Variants in CUL9 observed in about 807,000 individuals in gnomAD.
CUL9 encodes the protein cullin-9.
A neutral mutation model predicts 272.6 loss-of-function variants in CUL9; 79 were observed. That is an observed-to-expected ratio of 0.29 (90% CI 0.24 to 0.35). The LOEUF (loss-of-function observed/expected upper bound fraction) is 0.35, where lower values mean the gene tolerates loss of function less well. Among genes scored for constraint, CUL9 ranks in the 10% least tolerant of loss-of-function variants. CUL9 has a pLI of 1.00. For missense variants in CUL9, 2,532 were observed against 3,255.6 expected, an observed-to-expected ratio of 0.78 and a Z score of 5.41; for synonymous variants, 1,186 against 1,286.5, an observed-to-expected ratio of 0.92 and a Z score of 1.67.
Position 43,204,357 on chromosome 6 carries a change from C to G in CUL9, c.4160-3C>G. On this transcript the variant is annotated splice_region_variant and splice_polypyrimidine_tract_variant and intron_variant, in intron 20 of 40. Coordinates refer to ENST00000252050, the MANE Select transcript of CUL9 (RefSeq NM_015089.4). ...GACCTGTTCCTGACCTGTCTTCTTTCAGATGCGGAAGGCGTGAGTGCCCTG... is the reference window on the plus strand; with the variant it reads ...GACCTGTTCCTGACCTGTCTTCTTTGAGATGCGGAAGGCGTGAGTGCCCTG... 6.2e-7 allele frequency: 1 copy of G among 1,613,666 alleles called. No homozygotes were observed. Among genetic ancestry groups the G allele is most frequent in the Non-Finnish European group, 8.5e-7 (1 of 1,179,608 alleles).
rs747856369 is a variant in CUL9 at position 43,216,252 on chromosome 6, C to G, written c.6031C>G (p.Arg2011Gly). The stretch of plus-strand genomic sequence containing the variant: ...AGAAGGGTTGATGAAGCAGACGGTG[C>G]GTCAGGTGCAGGAGACGCTGAACTT... Reference protein sequence around the residue: ...EVEGLMKQTVRQVQETLNLEP... With the variant: ...EVEGLMKQTVGQVQETLNLEP... Residue 2011 changes from arginine to glycine, a missense_variant, in exon 31 of 41, where the codon CGT becomes GGT. Arg to Gly is a moderately radical substitution (Grantham distance 125, BLOSUM62 -2). Coordinates refer to ENST00000252050, the MANE Select transcript of CUL9 (RefSeq NM_015089.4). 6.2e-7 allele frequency: 1 copy of G among 1,613,722 alleles called. No individual in the cohort carries two copies.
rs756258868 is a variant in CUL9, at chr6:43,188,556, G to T, written c.2021G>T (p.Arg674Leu). Residue 674 changes from arginine to leucine, a missense_variant, in exon 8 of 41, where the codon CGC becomes CTC. Transcript: ENST00000252050. ...AGAGCCTTGCGGGGTCCCGGTCCTC[G>T]CAGCTCCCTGGATCAGCATGTGGCA... ...MARALRGPGP[R>L]SSLDQHVAAV... The T allele has an allele frequency of 1.9e-6, 3 of 1,613,114 alleles. No homozygotes were observed. Among genetic ancestry groups the T allele is most frequent in the Admixed American group, 3.3e-5 (2 of 59,804 alleles).
chr6:43,224,353 G>A lies in CUL9; in HGVS notation c.7462G>A (p.Asp2488Asn), dbSNP rs1226640833. Reference sequence around the variant, plus strand: ...TGAGTTTGATGAGGAGCTGGACAATGACAGCTTCTCCTACGATGAGTCTGA... The same window carrying A: ...TGAGTTTGATGAGGAGCTGGACAATAACAGCTTCTCCTACGATGAGTCTGA... ...QDEFDEELDNDSFSYDESENL... is the reference protein window; with the variant it reads ...QDEFDEELDNNSFSYDESENL... Residue 2488 changes from aspartate to asparagine, a missense_variant, in exon 41 of 41, where the codon GAC becomes AAC. Around this residue, in one of 3 missense-constraint regions of CUL9, gnomAD observed 237 missense variants for 305.9 expected, o/e 0.77. Transcript: ENST00000252050. This position sits in a 1 kb window ranked among gnomAD's most constrained non-coding sequence, Gnocchi z 4.2. 1 of 1,614,204 alleles carries A rather than the reference G, an allele frequency of 6.2e-7. No individual in the cohort carries two copies. Among genetic ancestry groups the A allele is most frequent in the South Asian group, 1.1e-5 (1 of 91,074 alleles).
intron 16 of CUL9, among the ~76,000 whole-genome samples, chr6:43,201,640 T>C (rs964920873): frequency 1.2e-4 from 19 of 152,196 alleles, no homozygotes; most frequent in Admixed American, 4.6e-4. Flanking sequence ...CCACCACGCC[T>C]GGCTAATTTT....
rs770054021 is a variant in CUL9, at chr6:43,196,040, C to T, written c.2389-29C>T. ...TTCCTCATGGTGACTCTGCCCCCTC[C>T]TCACTCTGCTTTCACATCCCCCTCA... On this transcript the variant is annotated intron_variant, in intron 9 of 40. Transcript: ENST00000252050. The T allele has an allele frequency of 1.1e-5, 18 of 1,591,946 alleles. No individual in the cohort carries two copies. In the South Asian group the frequency reaches 1.9e-4, roughly 17 times the overall value.
In CUL9 at chr6:43,199,277, G is replaced by A. The variant is rs1310764813; in HGVS notation, c.3062G>A (p.Arg1021Gln). 9 of 1,612,918 alleles carry A rather than the reference G, an allele frequency of 5.6e-6. No homozygotes were observed. The highest frequency in any genetic ancestry group is 4.5e-5 in the East Asian group (2 of 44,824). ...TACCCCCTCACCAGGGTCATAACCC[G>A]ACTGCTGGATTTCCCTGAGGCAATG... ...LLLSVLRVIT[R>Q]LLDFPEAMVL... The change falls in exon 13 of 41, where the codon CGA becomes CAA. Residue 1021 changes from arginine (R) to glutamine (Q), a missense_variant. Around this residue, in one of 3 missense-constraint regions of CUL9, gnomAD observed 2,218 missense variants for 2,788.6 expected, o/e 0.80. Coordinates refer to ENST00000252050, the MANE Select transcript of CUL9 (RefSeq NM_015089.4). This position sits in a 1 kb window ranked among gnomAD's most constrained non-coding sequence, Gnocchi z 4.4.
chr6:43,184,780 C>A lies in CUL9; in HGVS notation c.470C>A (p.Pro157His). 4 of 1,614,138 alleles carry A rather than the reference C, an allele frequency of 2.5e-6. No homozygotes were observed. Among genetic ancestry groups the A allele is most frequent in the Non-Finnish European group, 3.4e-6 (4 of 1,180,048 alleles). ...HVLSAYASIG[P>H]LTGVFRETGA... ...CTCAGTGCCTACGCCAGCATCGGGCCCCTCACTGGTGTCTTCAGGGAGACA... is the reference window on the plus strand; with the variant it reads ...CTCAGTGCCTACGCCAGCATCGGGCACCTCACTGGTGTCTTCAGGGAGACA... The change falls in exon 2 of 41, where the codon CCC becomes CAC. Residue 157 changes from proline to histidine, a missense_variant. By Grantham distance (77) the Pro-to-His change is moderately conservative. Around this residue, in one of 3 missense-constraint regions of CUL9, gnomAD observed 2,218 missense variants for 2,788.6 expected, o/e 0.80. Transcript: ENST00000252050. This position sits in a 1 kb window ranked among gnomAD's most constrained non-coding sequence, Gnocchi z 4.8.
intron 8 of CUL9, chr6:43,188,919 A>C: frequency 4.1e-6 from 2 of 485,782 alleles, no homozygotes; most frequent in Non-Finnish European, 7.3e-6. Context: ...CTGTGCTAGT[A>C]TTTTACATGC....
At position 43,213,668 on chromosome 6, in the gene CUL9, C is replaced by G. The variant is rs1354825264; in HGVS notation, c.5489-45C>G. On this transcript the variant is annotated intron_variant, in intron 28 of 40. Coordinates refer to ENST00000252050, the MANE Select transcript of CUL9 (RefSeq NM_015089.4). The surrounding 1 kb of genome is among the most constrained non-coding windows in gnomAD (Gnocchi z 5.7). ...TGGGGTCATCTTAGTCCCCATTCAT[C>G]TGTCCCTCTGCCTCCTCTGGTACCT... The G allele has an allele frequency of 1.9e-6, 3 of 1,607,704 alleles. No homozygotes were observed. The South Asian group carries it at 3.3e-5, about 18-fold the overall frequency.
rs746215834 is a variant in CUL9 at position 43,196,090 on chromosome 6, G to A, written c.2410G>A (p.Ala804Thr). 1.9e-6 allele frequency: 3 copies of A among 1,613,114 alleles called. No individual in the cohort carries two copies. Among genetic ancestry groups the A allele is most frequent in the Non-Finnish European group, 1.7e-6 (2 of 1,179,306 alleles). Residue 804 changes from alanine to threonine, a missense_variant, in exon 10 of 41, where the codon GCC becomes ACC. Coordinates refer to ENST00000252050, the MANE Select transcript of CUL9 (RefSeq NM_015089.4). The stretch of plus-strand genomic sequence containing the variant: ...ACAGGCACTGAAGATGCTGGCCGTC[G>A]CCAGCTCCTCGGAGATCCCCACTTT... ...GLAALKMLAV[A>T]SSSEIPTFVT...
Position 43,224,548 on chromosome 6 carries a change from G to A in CUL9, c.*103G>A. 9.1e-7 allele frequency: 1 copy of A among 1,101,692 alleles called. No individual in the cohort carries two copies. Among genetic ancestry groups the A allele is most frequent in the Admixed American group, 2.7e-5 (1 of 36,612 alleles). The allele number at this position is 1,101,692 out of a possible 1,614,324, so 68.2% of individuals were successfully genotyped here. On this transcript the variant is annotated 3_prime_UTR_variant, in exon 41 of 41. Coordinates refer to ENST00000252050, the MANE Select transcript of CUL9 (RefSeq NM_015089.4). The surrounding 1 kb of genome is among the most constrained non-coding windows in gnomAD (Gnocchi z 4.2). Reference sequence around the variant, plus strand: ...GAGGGGGATTCCCAGCGTCTGTAGTGCTTCCTGTTTGCTGAATAAAGGTCT... The same window carrying A: ...GAGGGGGATTCCCAGCGTCTGTAGTACTTCCTGTTTGCTGAATAAAGGTCT...
chr6:43,196,569 CCTT>C lies in CUL9; in HGVS notation c.2586-73_2586-71del, dbSNP rs779744957. On this transcript the variant is annotated intron_variant, in intron 10 of 40. Transcript: ENST00000252050. ...AGCCCTTTGCTCCCTAGCTGCCCGG[CCTT>C]CTATGCTTGCTTTGCTGCTTCCATT... 31 of 1,317,554 alleles carry C rather than the reference CCTT, an allele frequency of 2.4e-5. 1 individual carries two copies. In the Middle Eastern group the frequency reaches 1.1e-3, roughly 46 times the overall value. The allele number at this position is 1,317,554 out of a possible 1,614,324, so 81.6% of individuals were successfully genotyped here.
rs1237724470 is a variant in CUL9, at chr6:43,223,826, G to A, written c.7285-269G>A. ...AAACTGTGAGTCCTGTCCTCAGGTT[G>A]CTTACTGACTGGTAAGTCACATGGG... On this transcript the variant is annotated intron_variant, in intron 39 of 40. Transcript: ENST00000252050. The surrounding 1 kb of genome is among the most constrained non-coding windows in gnomAD (Gnocchi z 4.1). 1 of 544,856 alleles carries A rather than the reference G, an allele frequency of 1.8e-6. No individual in the cohort carries two copies. Among genetic ancestry groups the A allele is most frequent in the Non-Finnish European group, 3.3e-6 (1 of 302,308 alleles). The allele number at this position is 544,856 out of a possible 1,614,324, so 33.8% of individuals were successfully genotyped here.
chr6:43,184,433 A>G lies in CUL9; in HGVS notation c.123A>G (p.Arg41=). 1 of 1,613,870 alleles carries G rather than the reference A, an allele frequency of 6.2e-7. No individual in the cohort carries two copies. The highest frequency in any genetic ancestry group is 8.5e-7 in the Non-Finnish European group (1 of 1,179,910). ...ACGGGCATCCTGAATACCTGATCCG[A>G]TGGAGTGTCCTGAAGTGTGGGGAAG... ...GHDGHPEYLI[R]WSVLKCGEVG... The change falls in exon 2 of 41, where the codon CGA becomes CGG. Residue 41 remains arginine (R), a synonymous_variant. Transcript: ENST00000252050. The surrounding 1 kb of genome is among the most constrained non-coding windows in gnomAD (Gnocchi z 4.8).
In CUL9 at chr6:43,220,634, G is replaced by C; in HGVS notation, c.6423+35G>C. 2 of 1,611,780 alleles carry C rather than the reference G, an allele frequency of 1.2e-6. No homozygotes were observed. The highest frequency in any genetic ancestry group is 1.7e-5 in the Admixed American group (1 of 59,876). On this transcript the variant is annotated intron_variant, in intron 32 of 40. Coordinates refer to ENST00000252050, the MANE Select transcript of CUL9 (RefSeq NM_015089.4). The surrounding 1 kb of genome is among the most constrained non-coding windows in gnomAD (Gnocchi z 4.9). The stretch of plus-strand genomic sequence containing the variant: ...CTCGTCTGAGAGAGGCTCCAGTGCA[G>C]AGCCAAAGGAGTGTGCCCCAGGGAG...
At chr6:43,188,177 A>T (rs775636961) in intron 7 of CUL9, 59 bp downstream of exon 7, 132 of 1,590,940 alleles carry the variant, frequency 8.3e-5, no homozygotes, top group Admixed American at 7.0e-4. Flanking sequence ...TCAGTAGAAG[A>T]AATGGATAGT....
chr6:43,208,363 G>A (rs1775207626), intron 26 of CUL9, among the ~76,000 whole-genome samples: 1 of 152,076 alleles, frequency 6.6e-6, no homozygotes, highest in Non-Finnish European at 1.5e-5. Flanking sequence ...GCACCACTAT[G>A]CCTGGCTAAT....
chr6:43,194,887 C>G (rs941352403), intron 9 of CUL9, among the ~76,000 whole-genome samples: 1 of 152,066 alleles, frequency 6.6e-6, no homozygotes, highest in Admixed American at 6.5e-5. Flanking sequence ...GAAACCCTGT[C>G]TCTACTAAAA....
intron 26 of CUL9, among the ~76,000 whole-genome samples, chr6:43,211,333 A>G (rs1026847964): frequency 1.6e-4 from 24 of 152,192 alleles, no homozygotes; most frequent in African/African-American, 5.3e-4. Flanking sequence ...TGAGGCGGAC[A>G]GAGCACCTGA....
Sources: allele counts gnomAD v4.1 joint callset (sites outside exome capture counted in the v4.1 genomes callset), GRCh38; gene constraint gnomAD v4.1.1; regional missense constraint gnomAD v4.1.1; non-coding constraint Gnocchi (gnomAD v3.1); transcripts MANE v1.5; gene names NCBI Gene and HGNC (gene_info 2026-07-23, HGNC 2026-07-21).